INVS: variants seen among roughly 807,000 people sequenced by gnomAD.
INVS encodes inversin, also known as inversion of embryo turning homolog.
INVS carries 86 observed loss-of-function variants against 108.8 expected under a neutral mutation model. That is an observed-to-expected ratio of 0.79 (90% confidence interval 0.66 to 0.95). The LOEUF is 0.95. Ranked by LOEUF, INVS falls within the 40% of genes least tolerant of loss-of-function variation. The probability of loss-of-function intolerance (pLI) is 0.00; values close to 1 mark genes in which losing one functional copy is unlikely to be tolerated. For synonymous variants in INVS, 455 were observed against 473.5 expected (o/e 0.96, Z 0.51); for missense variants, 1,169 against 1,297.4 (o/e 0.90, Z 1.52).
intron 3 of INVS, among the ~76,000 whole-genome samples, chr9:100,182,543 G>C (rs1163397240): frequency 6.6e-6 from 1 of 152,078 alleles, no homozygotes; most frequent in Non-Finnish European, 1.5e-5. Flanking sequence ...ATCATCACTA[G>C]TCATTAGAGA....
chr9:100,259,641 G>A (rs924944337), intron 10 of INVS, among the ~76,000 whole-genome samples: 6 of 149,638 alleles, frequency 4.0e-5, no homozygotes, highest in Non-Finnish European at 8.9e-5. Flanking sequence ...GGGTTCAAGC[G>A]ATTCTCTTGC....
chr9:100,292,260 GAAC>G, intron 13 of INVS, 63 bp from the exon 14 acceptor site: 1 of 1,358,622 alleles, frequency 7.4e-7, no homozygotes. Flanking sequence ...TATTTTATGT[GAAC>G]ATATTAGGAA....
chr9:100,221,060 A>G (rs145741840), intron 3 of INVS, among the ~76,000 whole-genome samples: 3 of 152,156 alleles, frequency 2.0e-5, no homozygotes. Context: ...AGAACTCCTC[A>G]GTTCAAGAAA....
intron 3 of INVS, among the ~76,000 whole-genome samples, chr9:100,159,168 A>G (rs931250082): frequency 6.6e-6 from 1 of 152,230 alleles, no homozygotes; most frequent in African/African-American, 2.4e-5. Context: ...AAAGAATTCA[A>G]GTATAAGGTA....
chr9:100,211,203 A>G (rs1046349150), intron 3 of INVS, among the ~76,000 whole-genome samples: 4 of 152,202 alleles, frequency 2.6e-5, no homozygotes, highest in African/African-American at 9.7e-5. Context: ...GAAACCAAAT[A>G]TACTTTATAA....
At chr9:100,203,544 C>G (rs918445071) in intron 3 of INVS, among the ~76,000 whole-genome samples, 3 of 132,612 alleles carry the variant, frequency 2.3e-5, no homozygotes, top group Admixed American at 1.7e-4. Flanking sequence ...ACTCTATCAT[C>G]TAGGCTGGAG....
Position 100,126,470 on chromosome 9 carries a change from A to T in INVS, c.194A>T (p.Asp65Val), listed in dbSNP as rs1346793183. ...CVLADRLDCA[D>V]ALLKAGADVN... ...TTGGCTGACAGATTGGATTGTGCAG[A>T]TGCTCTTCTGAAGGCAGGAGCAGAT... Residue 65 changes from aspartate to valine, a missense_variant, in exon 3 of 17, where the codon GAT becomes GTT. Physicochemically the swap from Asp to Val is radical, Grantham distance 152 (BLOSUM62 -3). Around this residue, in one of 3 missense-constraint regions of INVS, gnomAD observed 365 missense variants for 397.5 expected, o/e 0.92. Coordinates refer to ENST00000262457, the MANE Select transcript of INVS (RefSeq NM_014425.5). 5 of 1,614,028 alleles carry T rather than the reference A, an allele frequency of 3.1e-6. No individual in the cohort carries two copies. Among genetic ancestry groups the T allele is most frequent in the Non-Finnish European group, 4.2e-6 (5 of 1,179,974 alleles).
intron 3 of INVS, among the ~76,000 whole-genome samples, chr9:100,162,378 T>G (rs1339683817): frequency 6.6e-6 from 1 of 152,212 alleles, no homozygotes; most frequent in Admixed American, 6.5e-5. Flanking sequence ...AGTGGCTCAA[T>G]GATATTAGCA....
At position 100,292,748 on chromosome 9, in the gene INVS, C is replaced by T; in HGVS notation, c.2491C>T (p.Pro831Ser). ...GCAGAATCCTCCCCACCATCGTACA[C>T]CAAGAAACAAAGTGACACAAGCCAA... ...AGQNPPHHRT[P>S]RNKVTQAKLT... Residue 831 changes from proline to serine, a missense_variant, in exon 14 of 17, where the codon CCA (proline) becomes TCA (serine). By Grantham distance (74) the Pro-to-Ser change is moderately conservative. Around this residue, in one of 3 missense-constraint regions of INVS, gnomAD observed 533 missense variants for 536.0 expected, o/e 0.99. Transcript: ENST00000262457. The T allele has an allele frequency of 6.2e-7, 1 of 1,614,156 alleles. No individual in the cohort carries two copies. The highest frequency in any genetic ancestry group is 8.5e-7 in the Non-Finnish European group (1 of 1,180,022).
rs373163599 is a variant in INVS, at chr9:100,298,538, T to G, written c.3091+528T>G. Among the ~76,000 whole-genome samples, 5 of 152,050 alleles carry G rather than the reference T, an allele frequency of 3.3e-5. No homozygotes were observed. In the South Asian group the frequency reaches 1.0e-3, roughly 32 times the overall value. On this transcript the variant is annotated intron_variant, in intron 16 of 16. Transcript: ENST00000262457. ...CCCTCATTCACACCAGCATTAAATA[T>G]GGGTGATAAGTTCATTGCTGTCAGC...
chr9:100,116,197 G>A (rs1304341422), intron 2 of INVS, among the ~76,000 whole-genome samples: 2 of 151,240 alleles, frequency 1.3e-5, no homozygotes, highest in African/African-American at 2.4e-5. Context: ...TCCGCCTCCC[G>A]GGTTTAAGTG....
chr9:100,169,522 T>C lies in INVS; in HGVS notation c.273+42973T>C, dbSNP rs1361238404. 2.6e-5 allele frequency among the ~76,000 whole-genome samples: 4 copies of C among 152,346 alleles called. No homozygotes were observed. The East Asian group carries it at 7.7e-4, about 29-fold the overall frequency. On this transcript the variant is annotated intron_variant, in intron 3 of 16. Transcript: ENST00000262457. ...AGAAATTGAGCAAATTTAATAATGATAAATGTTAAACACAATTTTATAAAA... is the reference window on the plus strand; with the variant it reads ...AGAAATTGAGCAAATTTAATAATGACAAATGTTAAACACAATTTTATAAAA...
intron 6 of INVS, among the ~76,000 whole-genome samples, chr9:100,241,938 C>G (rs1180098289): frequency 6.6e-6 from 1 of 152,172 alleles, no homozygotes; most frequent in Non-Finnish European, 1.5e-5. Context: ...TTCTACAGCT[C>G]TTCACTTGTG....
At chr9:100,148,607 A>C (rs900335016) in intron 3 of INVS, among the ~76,000 whole-genome samples, 1 of 152,232 alleles carries the variant, frequency 6.6e-6, no homozygotes, top group East Asian at 1.9e-4. Context: ...CAGCTGAAGC[A>C]TAAGTAAAAT....
intron 2 of INVS, among the ~76,000 whole-genome samples, chr9:100,123,692 A>C (rs887374842): frequency 1.3e-5 from 2 of 152,244 alleles, no homozygotes; most frequent in African/African-American, 4.8e-5. Context: ...AATATTTTCC[A>C]AAGTGACTCT....
At chr9:100,192,259 G>A (rs974827316) in intron 3 of INVS, among the ~76,000 whole-genome samples, 7 of 151,522 alleles carry the variant, frequency 4.6e-5, no homozygotes, top group African/African-American at 1.7e-4. Flanking sequence ...GTGTGTGTGT[G>A]TGTGTGTGTG....
At chr9:100,145,390 G>C (rs1828569314) in intron 3 of INVS, among the ~76,000 whole-genome samples, 1 of 151,514 alleles carries the variant, frequency 6.6e-6, no homozygotes, top group African/African-American at 2.4e-5. Flanking sequence ...ATGGGGTGCA[G>C]AGATAAGAAG....
intron 2 of INVS, among the ~76,000 whole-genome samples, chr9:100,122,336 T>C (rs1255934471): frequency 6.6e-6 from 1 of 152,170 alleles, no homozygotes; most frequent in Non-Finnish European, 1.5e-5. Context: ...TTGCTGCCTG[T>C]ATCTTGAAGC....
intron 3 of INVS, among the ~76,000 whole-genome samples, chr9:100,144,602 T>G (rs1448942410): frequency 6.6e-6 from 1 of 152,164 alleles, no homozygotes; most frequent in African/African-American, 2.4e-5. Flanking sequence ...CCAGCCACTT[T>G]CCTAAGAGGA....
Sources: gnomAD v4.1 joint callset for allele counts (sites outside exome capture counted in the v4.1 genomes callset) on GRCh38, gnomAD v4.1.1 for gene constraint, gnomAD v4.1.1 regional missense constraint, MANE v1.5 for transcripts, NCBI Gene and HGNC (gene_info 2026-07-23, HGNC 2026-07-21) for gene names.